Variants in HCN1 observed in about 807,000 individuals in gnomAD.
HCN1 encodes hyperpolarization activated cyclic nucleotide gated potassium channel 1.
In HCN1, 13 loss-of-function variants were observed where a neutral mutation model predicts 78.9. That is an observed-to-expected ratio of 0.16 (90% confidence interval 0.11 to 0.26). The LOEUF (loss-of-function observed/expected upper bound fraction) is 0.26, where lower values mean the gene tolerates loss of function less well. Among genes scored for constraint, HCN1 ranks in the 10% least tolerant of loss-of-function variants. The pLI is 1.00. For synonymous variants in HCN1, 552 were observed against 455.5 expected, an observed-to-expected ratio of 1.21 and a Z score of -2.70; for missense variants, 810 against 1,154.3, an observed-to-expected ratio of 0.70 and a Z score of 4.32.
In HCN1 at chr5:45,696,213, C is replaced by CGCG. The variant is rs745670367; in HGVS notation, c.-123_-121dup. On this transcript the variant is annotated 5_prime_UTR_variant, in exon 1 of 8. Coordinates refer to ENST00000303230, the MANE Select transcript of HCN1 (RefSeq NM_021072.4). Reference sequence around the variant, plus strand: ...GCTGCCGGCGAGCCCAGCTGCCCGTCGCGGCGGCGGCGGCGGCGGCGGCGG... The same window carrying CGCG: ...GCTGCCGGCGAGCCCAGCTGCCCGTCGCGGCGGCGGCGGCGGCGGCGGCGGCGG... 49 of 407,240 alleles carry CGCG rather than the reference C, an allele frequency of 1.2e-4. 1 individual carries two copies. The highest frequency in any genetic ancestry group is 6.9e-4 in the South Asian group (7 of 10,102). The allele number at this position is 407,240 out of a possible 1,614,324, so 25.2% of individuals were successfully genotyped here. A position where few individuals can be genotyped will look rare whatever the true frequency, so the allele number is the denominator to read the frequency against.
At chr5:45,489,064 A>G (rs1210173213) in intron 2 of HCN1, among the ~76,000 whole-genome samples, 1 of 152,200 alleles carries the variant, frequency 6.6e-6, no homozygotes, top group Non-Finnish European at 1.5e-5. Flanking sequence ...TAAGGCCTCA[A>G]GAAATTCCTG....
At chr5:45,524,906 T>A (rs1181986747) in intron 2 of HCN1, among the ~76,000 whole-genome samples, 1 of 151,970 alleles carries the variant, frequency 6.6e-6, no homozygotes, top group African/African-American at 2.4e-5. Context: ...TGAATAGGAG[T>A]GGTGAGAGAG....
At chr5:45,625,905 A>G (rs1357243025) in intron 2 of HCN1, among the ~76,000 whole-genome samples, 1 of 152,226 alleles carries the variant, frequency 6.6e-6, no homozygotes, top group Non-Finnish European at 1.5e-5. Context: ...CATAGAAGGC[A>G]CATTTACAAC....
At chr5:45,454,374 T>C (rs561350483) in intron 3 of HCN1, among the ~76,000 whole-genome samples, 1 of 151,958 alleles carries the variant, frequency 6.6e-6, no homozygotes, top group Non-Finnish European at 1.5e-5. Context: ...CTCAGCAGGC[T>C]GCTGACCTAC....
chr5:45,458,787 G>T (rs1014315320), intron 3 of HCN1, among the ~76,000 whole-genome samples: 1 of 151,914 alleles, frequency 6.6e-6, no homozygotes, highest in African/African-American at 2.4e-5. Flanking sequence ...CCAAAAAGTG[G>T]GGCAAAATAA....
rs970711061 is a variant in HCN1 at position 45,619,839 on chromosome 5, C to T, written c.849+25346G>A. Reference sequence around the variant, plus strand: ...CACAAATTCTTTGATATTCCTCTCTCGGGTGGTAGAGATTAATTTCTCTCT... The same window carrying T: ...CACAAATTCTTTGATATTCCTCTCTTGGGTGGTAGAGATTAATTTCTCTCT... On this transcript the variant is annotated intron_variant, in intron 2 of 7. Coordinates refer to ENST00000303230, the MANE Select transcript of HCN1 (RefSeq NM_021072.4). 2.6e-5 allele frequency among the ~76,000 whole-genome samples: 4 copies of T among 152,054 alleles called. 1 individual carries two copies. The highest frequency in any genetic ancestry group is 2.1e-4 in the South Asian group (1 of 4,810).
At chr5:45,493,490 T>C (rs1372559344) in intron 2 of HCN1, among the ~76,000 whole-genome samples, 1 of 152,138 alleles carries the variant, frequency 6.6e-6, no homozygotes, top group Admixed American at 6.5e-5. Flanking sequence ...TGAAAATTTA[T>C]AAGGAATTGC....
At chr5:45,467,534 C>T (rs1741299169) in intron 2 of HCN1, among the ~76,000 whole-genome samples, 2 of 151,984 alleles carry the variant, frequency 1.3e-5, no homozygotes, top group Admixed American at 6.6e-5. Context: ...AAAACAGCCA[C>T]CTTGTATACC....
chr5:45,601,666 T>C (rs1744628506), intron 2 of HCN1, among the ~76,000 whole-genome samples: 1 of 152,164 alleles, frequency 6.6e-6, no homozygotes, highest in Non-Finnish European at 1.5e-5. Context: ...GCTCCAGTTA[T>C]TCATGATTAG....
intron 5 of HCN1, among the ~76,000 whole-genome samples, chr5:45,333,884 T>C (rs1053636457): frequency 6.6e-6 from 1 of 151,862 alleles, no homozygotes; most frequent in African/African-American, 2.4e-5. Flanking sequence ...TCATTTGTTA[T>C]TGCCTGACTT....
At chr5:45,577,418 G>C (rs913823211) in intron 2 of HCN1, among the ~76,000 whole-genome samples, 1 of 151,908 alleles carries the variant, frequency 6.6e-6, no homozygotes, top group African/African-American at 2.4e-5. Context: ...TATTGTATTT[G>C]TCTAAATGTA....
rs538025446 is a variant in HCN1, at chr5:45,681,563, A to C, written c.425+14106T>G. Among the ~76,000 whole-genome samples the C allele has an allele frequency of 2.0e-5, 3 of 152,266 alleles. No individual in the cohort carries two copies. In the South Asian group the frequency reaches 6.2e-4, roughly 32 times the overall value. ...TAAATTTGGTAAACACGATAAAAAA[A>C]AAATCCTGGTCACCAAAAAGTTAAA... On this transcript the variant is annotated intron_variant, in intron 1 of 7. Coordinates refer to ENST00000303230, the MANE Select transcript of HCN1 (RefSeq NM_021072.4).
At chr5:45,333,999 C>T (rs1015114760) in intron 5 of HCN1, among the ~76,000 whole-genome samples, 2 of 151,700 alleles carry the variant, frequency 1.3e-5, no homozygotes, top group Non-Finnish European at 2.9e-5. Flanking sequence ...ATCAGGGCTT[C>T]TTGAGTTCGG....
chr5:45,598,755 A>G (rs748981630), intron 2 of HCN1, among the ~76,000 whole-genome samples: 1 of 152,228 alleles, frequency 6.6e-6, no homozygotes, highest in Non-Finnish European at 1.5e-5. Flanking sequence ...TGGGCAAAAG[A>G]TATGAACAGA....
chr5:45,524,232 C>G (rs1235114988), intron 2 of HCN1, among the ~76,000 whole-genome samples: 1 of 151,976 alleles, frequency 6.6e-6, no homozygotes, highest in Non-Finnish European at 1.5e-5. Flanking sequence ...CTCTGTTTTG[C>G]TACCAGTACT....
At chr5:45,614,702 T>C (rs1422467399) in intron 2 of HCN1, among the ~76,000 whole-genome samples, 1 of 152,108 alleles carries the variant, frequency 6.6e-6, no homozygotes, top group Non-Finnish European at 1.5e-5. Flanking sequence ...GTTTTAATAC[T>C]AAATGAGCTG....
chr5:45,586,464 G>T (rs1225907942), intron 2 of HCN1, among the ~76,000 whole-genome samples: 1 of 152,124 alleles, frequency 6.6e-6, no homozygotes, highest in Non-Finnish European at 1.5e-5. Context: ...CTGACCCCTT[G>T]CGCTTCCCGG....
chr5:45,294,627 T>C (rs1435725026), intron 6 of HCN1, among the ~76,000 whole-genome samples: 1 of 152,040 alleles, frequency 6.6e-6, no homozygotes, highest in East Asian at 1.9e-4. Context: ...ATCAAAGTAT[T>C]GGTACAAAGG....
chr5:45,587,293 C>T (rs1391396791), intron 2 of HCN1, among the ~76,000 whole-genome samples: 2 of 152,118 alleles, frequency 1.3e-5, no homozygotes, highest in Non-Finnish European at 2.9e-5. Flanking sequence ...AGACTTGGAA[C>T]CAACCCAAAT....
Sources: gnomAD v4.1 joint callset for allele counts (sites outside exome capture counted in the v4.1 genomes callset) on GRCh38, gnomAD v4.1.1 for gene constraint, MANE v1.5 for transcripts, NCBI Gene and HGNC (gene_info 2026-07-23, HGNC 2026-07-21) for gene names.